The following GCNT2 variants were observed in gnomAD, a reference collection of about 807,000 sequenced individuals.
The protein encoded by GCNT2 is glucosaminyl (N-acetyl) transferase 2 (I blood group).
GCNT2 carries 34 observed loss-of-function variants against 34.2 expected under a neutral mutation model. That is an observed-to-expected ratio of 1.00 (90% CI 0.76 to 1.32). The LOEUF (loss-of-function observed/expected upper bound fraction) is 1.32, where lower values mean the gene tolerates loss of function less well. GCNT2 is among the 40% of genes most tolerant of loss of function. The pLI, the probability that GCNT2 is intolerant of heterozygous loss-of-function variation, is 0.00. For synonymous variants in GCNT2, 212 were observed against 188.0 expected (o/e 1.13, Z -1.04); for missense variants, 584 against 489.4 (o/e 1.19, Z -1.82).
At chr6:10,582,584 T>C (rs1180528803) in intron 3 of GCNT2, among the ~76,000 whole-genome samples, 1 of 138,994 alleles carries the variant, frequency 7.2e-6, no homozygotes, top group African/African-American at 2.7e-5. Flanking sequence ...ATATATAAAC[T>C]ATATATAAAA....
At chr6:10,552,357 G>A (rs764727010) in intron 3 of GCNT2, among the ~76,000 whole-genome samples, 2 of 151,676 alleles carry the variant, frequency 1.3e-5, no homozygotes, top group Non-Finnish European at 2.9e-5. Context: ...ATTACAGTCA[G>A]CACTCTGTTT....
chr6:10,566,053 G>T (rs78043190), intron 3 of GCNT2, among the ~76,000 whole-genome samples: 1 of 152,040 alleles, frequency 6.6e-6, no homozygotes. Context: ...CTCTAGCTGC[G>T]CCCTTCCCCA....
chr6:10,540,335 C>T lies in GCNT2; in HGVS notation c.925+10499C>T, dbSNP rs78713596. On this transcript the variant is annotated intron_variant, in intron 3 of 4. Transcript: ENST00000495262. ...AGCCAAATGGCCTCCACAACCTGTT[C>T]ATGCTGTCTTTTTGTTCTGGAATAC... Among the ~76,000 whole-genome samples the T allele has an allele frequency of 0.019, 2,960 of 152,264 alleles. 186 individuals carry two copies. In the East Asian group the frequency reaches 0.22, roughly 11 times the overall value.
chr6:10,538,437 A>ATATATAT (rs57612140), intron 3 of GCNT2, among the ~76,000 whole-genome samples: 2 of 73,342 alleles, frequency 2.7e-5, no homozygotes, highest in African/African-American at 1.2e-4. Flanking sequence ...AAAAAAAAAA[A>ATATATAT]ATATATATAT....
Position 10,528,941 on chromosome 6 carries a change from T to G in GCNT2, c.30T>G (p.Phe10Leu). Residue 10 changes from phenylalanine (F) to leucine (L), a missense_variant, in exon 3 of 5, where the codon TTT becomes TTG. Physicochemically the swap from Phe to Leu is conservative, Grantham distance 22. Transcript: ENST00000495262. Reference protein sequence around the residue: MMGSWKHCLFSASLISALIF... With the variant: MMGSWKHCLLSASLISALIF... ...TGGGCTCTTGGAAGCACTGTCTTTT[T>G]AGCGCGTCTCTTATCTCTGCCCTGA... 2 of 1,613,974 alleles carry G rather than the reference T, an allele frequency of 1.2e-6. No individual in the cohort carries two copies. The highest frequency in any genetic ancestry group is 1.7e-6 in the Non-Finnish European group (2 of 1,179,822).
intron 3 of GCNT2, chr6:10,573,294 G>T: frequency 1.0e-6 from 1 of 984,774 alleles, no homozygotes; most frequent in Non-Finnish European, 1.2e-6. Flanking sequence ...TACCTACGCT[G>T]TTCCTTGAAA....
chr6:10,572,380 T>C (rs1763590262), intron 3 of GCNT2, among the ~76,000 whole-genome samples: 1 of 152,178 alleles, frequency 6.6e-6, no homozygotes. Flanking sequence ...ATAACGCTTT[T>C]CCCATTGTTT....
At chr6:10,546,425 G>A (rs1411058084) in intron 3 of GCNT2, among the ~76,000 whole-genome samples, 1 of 152,154 alleles carries the variant, frequency 6.6e-6, no homozygotes, top group Non-Finnish European at 1.5e-5. Context: ...TTGGGAAGCC[G>A]AGGTGGGCGG....
At chr6:10,565,919 C>T (rs1296190036) in intron 3 of GCNT2, among the ~76,000 whole-genome samples, 1 of 152,150 alleles carries the variant, frequency 6.6e-6, no homozygotes, top group African/African-American at 2.4e-5. Flanking sequence ...CGATCACATC[C>T]CTCTCCTCCT....
At chr6:10,575,780 A>AT (rs1763780988) in intron 3 of GCNT2, among the ~76,000 whole-genome samples, 1 of 152,156 alleles carries the variant, frequency 6.6e-6, no homozygotes, top group Admixed American at 6.5e-5. Flanking sequence ...GCCTTGAGTG[A>AT]TGACATTACC....
chr6:10,554,406 A>G (rs1013078909), intron 3 of GCNT2, among the ~76,000 whole-genome samples: 13 of 152,170 alleles, frequency 8.5e-5, no homozygotes, highest in Admixed American at 6.5e-5. Context: ...TAGTGTCTAT[A>G]TTTCTTAATA....
intron 3 of GCNT2, among the ~76,000 whole-genome samples, chr6:10,584,935 A>G (rs1249897496): frequency 6.7e-6 from 1 of 150,174 alleles, no homozygotes; most frequent in Non-Finnish European, 1.5e-5. Context: ...ATCAACACTG[A>G]CTCTTTCATG....
chr6:10,627,011 A>G lies in GCNT2; in HGVS notation c.*404A>G, dbSNP rs1766286662. On this transcript the variant is annotated 3_prime_UTR_variant, in exon 5 of 5. Coordinates refer to ENST00000495262, the MANE Select transcript of GCNT2 (RefSeq NM_145649.5). ...GGTTTCTTTGAAGAAGGAATCTTTT[A>G]TAACACCTTAACAGTCACCACTGTG... 4.8e-6 allele frequency: 1 copy of G among 208,228 alleles called. No individual in the cohort carries two copies. The highest frequency in any genetic ancestry group is 1.0e-5 in the Non-Finnish European group (1 of 100,456). The allele number at this position is 208,228 out of a possible 1,614,324, so 12.9% of individuals were successfully genotyped here.
chr6:10,585,076 T>C (rs996588455), intron 3 of GCNT2, among the ~76,000 whole-genome samples: 28 of 90,534 alleles, frequency 3.1e-4, no homozygotes, highest in Middle Eastern at 5.3e-3. Context: ...TGTGTGTGTG[T>C]GTGCGCGCTA....
In GCNT2 at chr6:10,573,299, T is replaced by G. The variant is rs1763638530; in HGVS notation, c.925+43463T>G. The G allele has an allele frequency of 3.0e-6, 3 of 984,434 alleles. No homozygotes were observed. The African/African-American group carries it at 5.2e-5, about 17-fold the overall frequency. The allele number at this position is 984,434 out of a possible 1,614,324, so 61.0% of individuals were successfully genotyped here. A position where few individuals can be genotyped will look rare whatever the true frequency, so the allele number is the denominator to read the frequency against. ...GACAAATAGTTACCTACGCTGTTCC[T>G]TGAAACTTAACAGAATATAGTCAAA... On this transcript the variant is annotated intron_variant, in intron 3 of 4. Transcript: ENST00000495262.
chr6:10,617,355 C>G (rs973644181), intron 3 of GCNT2, among the ~76,000 whole-genome samples: 1 of 152,204 alleles, frequency 6.6e-6, no homozygotes, highest in African/African-American at 2.4e-5. Context: ...TCACGCTGGC[C>G]GGCAAGCGCT....
At chr6:10,561,542 T>C (rs866995523) in intron 3 of GCNT2, among the ~76,000 whole-genome samples, 1 of 152,222 alleles carries the variant, frequency 6.6e-6, no homozygotes, top group Non-Finnish European at 1.5e-5. Context: ...CTTTGTGAAA[T>C]TGTTCAGCAT....
intron 3 of GCNT2, among the ~76,000 whole-genome samples, chr6:10,582,391 T>C (rs1764145974): frequency 8.2e-6 from 1 of 122,452 alleles, no homozygotes; most frequent in Non-Finnish European, 1.6e-5. Flanking sequence ...ATATTTATTA[T>C]ATACTATAAT....
chr6:10,575,913 C>G (rs920624727), intron 3 of GCNT2, among the ~76,000 whole-genome samples: 1 of 150,848 alleles, frequency 6.6e-6, no homozygotes, highest in Non-Finnish European at 1.5e-5. Context: ...CTTTACCTAC[C>G]CAAATCTTAT....
Sources: gnomAD v4.1 joint callset for allele counts (sites outside exome capture counted in the v4.1 genomes callset) on GRCh38, gnomAD v4.1.1 for gene constraint, MANE v1.5 for transcripts, NCBI Gene and HGNC (gene_info 2026-07-23, HGNC 2026-07-21) for gene names.